SOX7: variants seen among roughly 807,000 people sequenced by gnomAD.
SOX7 encodes SRY-box transcription factor 7, also known as transcription factor SOX-7.
A neutral mutation model predicts 24.9 loss-of-function variants in SOX7; 19 were observed. The observed-to-expected ratio is 0.76, with a 90% CI of 0.53 to 1.12. The LOEUF (loss-of-function observed/expected upper bound fraction) is 1.12. SOX7 is among the 50% of genes most tolerant of loss of function. SOX7 has a pLI of 0.00. For missense variants in SOX7, 702 were observed against 535.0 expected, an observed-to-expected ratio of 1.31 and a Z score of -3.08; for synonymous variants, 327 against 244.5, an observed-to-expected ratio of 1.34 and a Z score of -3.15.
Position 10,726,489 on chromosome 8 carries a change from G to C in SOX7, c.416C>G (p.Ser139Cys). Residue 139 changes from serine (S) to cysteine (C), a missense_variant, in exon 2 of 2, where the codon TCC becomes TGC. Coordinates refer to ENST00000304501, the MANE Select transcript of SOX7 (RefSeq NM_031439.4). ...CTCCGGCAGGGCGTTCTGGTCCCGG[G>C]AGAGGGAGCTCAGAAGGAAGCCCGG... ...VDPGFLLSSL[S>C]RDQNALPEKR... 6.2e-7 allele frequency: 1 copy of C among 1,612,476 alleles called. No homozygotes were observed. The highest frequency in any genetic ancestry group is 1.3e-5 in the African/African-American group (1 of 75,054).
chr8:10,726,381 C>A lies in SOX7; in HGVS notation c.524G>T (p.Arg175Leu), dbSNP rs1331368076. ...AGCCGGCCCCTCGTGGTAGCAGCCC[C>A]GGAGGCTGGGCAGGGCAGTGCCGGG... ...YSPGTALPSL[R>L]GCYHEGPAGG... The change falls in exon 2 of 2, where the codon CGG becomes CTG. Residue 175 changes from arginine to leucine, a missense_variant. By Grantham distance (102) the Arg-to-Leu change is moderately radical. Coordinates refer to ENST00000304501, the MANE Select transcript of SOX7 (RefSeq NM_031439.4). 1.2e-6 allele frequency: 2 copies of A among 1,612,398 alleles called. No homozygotes were observed. The highest frequency in any genetic ancestry group is 2.7e-5 in the African/African-American group (2 of 74,882).
In SOX7 at chr8:10,723,776, C is replaced by A. The variant is rs1270256251; in HGVS notation, c.*1962G>T. 1 of 152,472 alleles carries A rather than the reference C, an allele frequency of 6.6e-6. No homozygotes were observed. The highest frequency in any genetic ancestry group is 1.9e-4 in the East Asian group (1 of 5,194). 9.4% of individuals were successfully genotyped at this position (152,472 alleles called of 1,614,324 possible). A position where few individuals can be genotyped will look rare whatever the true frequency, so the allele number is the denominator to read the frequency against. On this transcript the variant is annotated 3_prime_UTR_variant, in exon 2 of 2. Transcript: ENST00000304501. ...TTCAAAAGATAGAACAGTCATGGTACAAAAATGTTTATTTAAATTAAATAT... is the reference window on the plus strand; with the variant it reads ...TTCAAAAGATAGAACAGTCATGGTAAAAAAATGTTTATTTAAATTAAATAT...
Position 10,725,769 on chromosome 8 carries a change from G to T in SOX7, c.1136C>A (p.Ala379Asp). 6.2e-7 allele frequency: 1 copy of T among 1,614,188 alleles called. No individual in the cohort carries two copies. ...CACACTGTAGCTGTTGTAGTACGTG[G>T]CCGTGGCATCAGCCAGGACGGAGAT... Reference protein sequence around the residue: ...SLISVLADATATYYNSYSVS With the variant: ...SLISVLADATDTYYNSYSVS The change falls in exon 2 of 2, where the codon GCC (alanine) becomes GAC (aspartate). Residue 379 changes from alanine (A) to aspartate (D), a missense_variant. By Grantham distance (126) the Ala-to-Asp change is moderately radical (BLOSUM62 -2). Coordinates refer to ENST00000304501, the MANE Select transcript of SOX7 (RefSeq NM_031439.4).
chr8:10,724,811 C>G lies in SOX7; in HGVS notation c.*927G>C, dbSNP rs1294001128. On this transcript the variant is annotated 3_prime_UTR_variant, in exon 2 of 2. Transcript: ENST00000304501. ...AATCTCAGCTCACTGCAACCTCCAC[C>G]TCCTAGGTTCAAGACATTCTCCTGC... is the stretch of plus-strand genomic sequence containing the variant. 1 of 151,818 alleles carries G rather than the reference C, an allele frequency of 6.6e-6. No homozygotes were observed. The highest frequency in any genetic ancestry group is 2.4e-5 in the African/African-American group (1 of 41,264). 9.4% of individuals were successfully genotyped at this position (151,818 alleles called of 1,614,324 possible).
rs977038647 is a variant in SOX7 at position 10,726,182 on chromosome 8, C to T, written c.723G>A (p.Pro241=). ...PRRIPHLPGH[P]YSPEYAPSPL... is the part of the protein sequence containing the mutation. The stretch of plus-strand genomic sequence containing the variant: ...GGCTTGGGGCGTACTCCGGTGAGTA[C>T]GGGTGCCCTGGCAGGTGGGGGATGC... The change falls in exon 2 of 2, where the codon CCG becomes CCA. Residue 241 remains proline, a synonymous_variant. Transcript: ENST00000304501. 1.2e-6 allele frequency: 2 copies of T among 1,610,628 alleles called. No homozygotes were observed. The highest frequency in any genetic ancestry group is 1.3e-5 in the African/African-American group (1 of 74,924).
Position 10,726,316 on chromosome 8 carries a change from A to G in SOX7, c.589T>C (p.Tyr197His). The G allele has an allele frequency of 6.2e-7, 1 of 1,613,486 alleles. No individual in the cohort carries two copies. The highest frequency in any genetic ancestry group is 8.5e-7 in the Non-Finnish European group (1 of 1,179,886). Reference protein sequence around the residue: ...GGGTPSSVDTYPYGLPTPPEM... With the variant: ...GGGTPSSVDTHPYGLPTPPEM... ...GGAGGTGTGGGCAGCCCGTACGGGT[A>G]CGTGTCCACACTGCTCGGGGTGCCG... The change falls in exon 2 of 2, where the codon TAC becomes CAC. Residue 197 changes from tyrosine to histidine, a missense_variant. By Grantham distance (83) the Tyr-to-His change is moderately conservative. Transcript: ENST00000304501.
At position 10,730,066 on chromosome 8, in the gene SOX7, G is replaced by A; in HGVS notation, c.238+130C>T. On this transcript the variant is annotated intron_variant, in intron 1 of 1. Transcript: ENST00000304501. The surrounding 1 kb of genome is among the most constrained non-coding windows in gnomAD (Gnocchi z 4.8). ...CTCGCGCAGATGGCCAGCCACGCGG[G>A]CACGAAGAGGGCCCTCGTCCCGCGT... is the stretch of plus-strand genomic sequence containing the variant. 2 of 545,878 alleles carry A rather than the reference G, an allele frequency of 3.7e-6. No individual in the cohort carries two copies. The highest frequency in any genetic ancestry group is 5.5e-6 in the Non-Finnish European group (2 of 362,126). The allele number at this position is 545,878 out of a possible 1,614,324, so 33.8% of individuals were successfully genotyped here.
chr8:10,728,546 A>G (rs1345738962), intron 1 of SOX7, among the ~76,000 whole-genome samples: 2 of 152,260 alleles, frequency 1.3e-5, no homozygotes, highest in African/African-American at 4.8e-5. Context: ...ATGGCTCAGC[A>G]GGAAGGAATC....
In SOX7 at chr8:10,725,597, G is replaced by A; in HGVS notation, c.*141C>T. On this transcript the variant is annotated 3_prime_UTR_variant, in exon 2 of 2. Coordinates refer to ENST00000304501, the MANE Select transcript of SOX7 (RefSeq NM_031439.4). ...CTCGGATAAGGAGAGTCCAGCTTAG[G>A]CCAAAGGCTCTGGGGCCGCAGTTCA... The A allele has an allele frequency of 2.4e-6, 2 of 849,158 alleles. No homozygotes were observed. The highest frequency in any genetic ancestry group is 1.7e-5 in the South Asian group (1 of 59,740). The allele number at this position is 849,158 out of a possible 1,614,324, so 52.6% of individuals were successfully genotyped here.
Position 10,724,372 on chromosome 8 carries a change from A to C in SOX7, c.*1366T>G, listed in dbSNP as rs11250064. The C allele has an allele frequency of 0.71, 107,996 of 152,132 alleles. 39,044 individuals are homozygous for C. The highest frequency in any genetic ancestry group is 0.85 in the African/African-American group (35,183 of 41,502). The allele number at this position is 152,132 out of a possible 1,614,324, so 9.4% of individuals were successfully genotyped here. ...AGCAGCTAAAGGAAGCATGCTTGGGATAAGTCAGGGGCTGTTTCAGTTAGG... is the reference window on the plus strand; with the variant it reads ...AGCAGCTAAAGGAAGCATGCTTGGGCTAAGTCAGGGGCTGTTTCAGTTAGG... On this transcript the variant is annotated 3_prime_UTR_variant, in exon 2 of 2. Coordinates refer to ENST00000304501, the MANE Select transcript of SOX7 (RefSeq NM_031439.4).
intron 1 of SOX7, among the ~76,000 whole-genome samples, chr8:10,726,940 C>T (rs1800168098): frequency 6.6e-6 from 1 of 152,194 alleles, no homozygotes; most frequent in African/African-American, 2.4e-5. Context: ...CAGAGCGTGC[C>T]CACACTACAA....
At position 10,725,864 on chromosome 8, in the gene SOX7, C is replaced by T; in HGVS notation, c.1041G>A (p.Gly347=). The T allele has an allele frequency of 1.2e-6, 2 of 1,614,190 alleles. No homozygotes were observed. The highest frequency in any genetic ancestry group is 1.7e-6 in the Non-Finnish European group (2 of 1,180,020). ...GAACATGCCCACTGAGGGCCATGGC[C>T]CCTGTGGCGGAGTCTGGGTGGCCAG... ...NTPGHPDSAT[G]AMALSGHVPV... Residue 347 remains glycine, a synonymous_variant, in exon 2 of 2, where the codon GGG becomes GGA. Coordinates refer to ENST00000304501, the MANE Select transcript of SOX7 (RefSeq NM_031439.4).
At position 10,730,329 on chromosome 8, in the gene SOX7, G is replaced by C. The variant is rs764777065; in HGVS notation, c.105C>G (p.Pro35=). 4 of 1,568,876 alleles carry C rather than the reference G, an allele frequency of 2.5e-6. No homozygotes were observed. Among genetic ancestry groups the C allele is most frequent in the Admixed American group, 1.9e-5 (1 of 52,146 alleles). Residue 35 remains proline (P), a synonymous_variant, in exon 1 of 2, where the codon CCC becomes CCG. Coordinates refer to ENST00000304501, the MANE Select transcript of SOX7 (RefSeq NM_031439.4). This position sits in a 1 kb window ranked among gnomAD's most constrained non-coding sequence, Gnocchi z 4.8. ...GGCTCTCGGAGCCCTTGTCCCCCGG[G>C]GGCCGGGGGACGGCCGGCGGCGATT... ...DGQSPPAVPR[P]PGDKGSESRI... is the part of the protein sequence containing the mutation.
In SOX7 at chr8:10,725,642, G is replaced by GT. The variant is rs1178790921; in HGVS notation, c.*95dup. On this transcript the variant is annotated 3_prime_UTR_variant, in exon 2 of 2. Transcript: ENST00000304501. ...AGTTCAGACCTCCCTGCCCTGAGCGGTGGGAGGAAAGCTGGTGTGGCTGGA... is the reference window on the plus strand; with the variant it reads ...AGTTCAGACCTCCCTGCCCTGAGCGGTTGGGAGGAAAGCTGGTGTGGCTGGA... The GT allele has an allele frequency of 1.8e-5, 24 of 1,348,296 alleles. No individual in the cohort carries two copies. The highest frequency in any genetic ancestry group is 2.0e-5 in the Non-Finnish European group (19 of 965,458). The allele number at this position is 1,348,296 out of a possible 1,614,324, so 83.5% of individuals were successfully genotyped here.
rs1800128747 is a variant in SOX7, at chr8:10,725,606, T to G, written c.*132A>C. The G allele has an allele frequency of 2.1e-6, 2 of 932,122 alleles. No individual in the cohort carries two copies. Among genetic ancestry groups the G allele is most frequent in the Non-Finnish European group, 3.3e-6 (2 of 615,374 alleles). The allele number at this position is 932,122 out of a possible 1,614,324, so 57.7% of individuals were successfully genotyped here. A position where few individuals can be genotyped will look rare whatever the true frequency, so the allele number is the denominator to read the frequency against. Reference sequence around the variant, plus strand: ...GGAGAGTCCAGCTTAGGCCAAAGGCTCTGGGGCCGCAGTTCAGACCTCCCT... The same window carrying G: ...GGAGAGTCCAGCTTAGGCCAAAGGCGCTGGGGCCGCAGTTCAGACCTCCCT... On this transcript the variant is annotated 3_prime_UTR_variant, in exon 2 of 2. Transcript: ENST00000304501.
At position 10,730,107 on chromosome 8, in the gene SOX7, G is replaced by A; in HGVS notation, c.238+89C>T. ...CGTCCCGCGTGCCGGGTCTTCCCCAGGCTCCGCGCTCGCACCCGCCCTGCA... is the reference window on the plus strand; with the variant it reads ...CGTCCCGCGTGCCGGGTCTTCCCCAAGCTCCGCGCTCGCACCCGCCCTGCA... On this transcript the variant is annotated intron_variant, in intron 1 of 1. Coordinates refer to ENST00000304501, the MANE Select transcript of SOX7 (RefSeq NM_031439.4). The surrounding 1 kb of genome is among the most constrained non-coding windows in gnomAD (Gnocchi z 4.8). The A allele has an allele frequency of 2.0e-6, 2 of 1,009,598 alleles. No individual in the cohort carries two copies. The highest frequency in any genetic ancestry group is 8.2e-5 in the South Asian group (2 of 24,420). 62.5% of individuals were successfully genotyped at this position (1,009,598 alleles called of 1,614,324 possible).
chr8:10,729,242 T>C (rs1800213266), intron 1 of SOX7: 1 of 152,180 alleles, frequency 6.6e-6, no homozygotes, highest in African/African-American at 2.4e-5. Context: ...AAGGAAGGGC[T>C]CTGTTCCGGA....
rs1563177934 is a variant in SOX7, at chr8:10,724,840, A to C, written c.*898T>G. On this transcript the variant is annotated 3_prime_UTR_variant, in exon 2 of 2. Coordinates refer to ENST00000304501, the MANE Select transcript of SOX7 (RefSeq NM_031439.4). Reference sequence around the variant, plus strand: ...TAGGTTCAAGACATTCTCCTGCCTCAGCCTTCCAAGTAGCTGGGATTACAG... The same window carrying C: ...TAGGTTCAAGACATTCTCCTGCCTCCGCCTTCCAAGTAGCTGGGATTACAG... 1 of 151,424 alleles carries C rather than the reference A, an allele frequency of 6.6e-6. No homozygotes were observed. 9.4% of individuals were successfully genotyped at this position (151,424 alleles called of 1,614,324 possible). A position where few individuals can be genotyped will look rare whatever the true frequency, so the allele number is the denominator to read the frequency against.
At position 10,725,960 on chromosome 8, in the gene SOX7, C is replaced by G. The variant is rs533251009; in HGVS notation, c.945G>C (p.Leu315=). The change falls in exon 2 of 2, where the codon CTG becomes CTC. Residue 315 remains leucine (L), a synonymous_variant. Coordinates refer to ENST00000304501, the MANE Select transcript of SOX7 (RefSeq NM_031439.4). ...GGAGTTCCACCTGGCTCAGTTGATC[C>G]AGGGCGTCGAAGCCAGGGTGCTCAG... ...PPPEHPGFDA[L]DQLSQVELLG... 1.3e-5 allele frequency: 21 copies of G among 1,611,134 alleles called. No homozygotes were observed. In the East Asian group the frequency reaches 4.7e-4, roughly 36 times the overall value.
Sources: gnomAD v4.1 joint callset for allele counts (sites outside exome capture counted in the v4.1 genomes callset) on GRCh38, gnomAD v4.1.1 for gene constraint, Gnocchi (gnomAD v3.1) non-coding constraint, MANE v1.5 for transcripts, NCBI Gene and HGNC (gene_info 2026-07-23, HGNC 2026-07-21) for gene names.